Variants in ZFHX3 observed in about 807,000 individuals in gnomAD.
ZFHX3 encodes the protein zinc finger homeobox 3.
ZFHX3 carries 42 observed loss-of-function variants against 279.1 expected under a neutral mutation model. The observed-to-expected ratio is 0.15, with a 90% CI of 0.12 to 0.19. ZFHX3 has a LOEUF of 0.19. ZFHX3 is among the 10% of genes least tolerant of loss of function. The pLI is 1.00. For missense variants in ZFHX3, 4,981 were observed against 4,754.0 expected (o/e 1.05, Z -1.40); for synonymous variants, 2,293 against 1,957.8 (o/e 1.17, Z -4.52).
intron 1 of ZFHX3, among the ~76,000 whole-genome samples, chr16:72,988,694 C>T (rs1296704987): frequency 6.6e-6 from 1 of 152,184 alleles, no homozygotes; most frequent in Middle Eastern, 3.2e-3. Flanking sequence ...AGCCATGATT[C>T]CCCCACATTA....
intron 4 of ZFHX3, among the ~76,000 whole-genome samples, chr16:73,284,662 C>T (rs1163412912): frequency 1.3e-5 from 2 of 151,918 alleles, no homozygotes; most frequent in East Asian, 3.9e-4. Flanking sequence ...TTTTGTTTTG[C>T]TTTTGTTTTT....
chr16:73,836,185 G>A (rs1398123994), intron 1 of ZFHX3, among the ~76,000 whole-genome samples: 7 of 152,158 alleles, frequency 4.6e-5, no homozygotes, highest in African/African-American at 1.4e-4. Flanking sequence ...AAACTTAGGA[G>A]CATCTTCTCC....
At chr16:73,001,955 C>T (rs151008509) in intron 1 of ZFHX3, among the ~76,000 whole-genome samples, 340 of 152,286 alleles carry the variant, frequency 2.2e-3, no homozygotes, top group Non-Finnish European at 4.1e-3. Flanking sequence ...GCCCACATTC[C>T]GGTCCATAGA....
intron 2 of ZFHX3, among the ~76,000 whole-genome samples, chr16:73,474,216 C>T (rs1196353762): frequency 6.6e-6 from 1 of 152,108 alleles, no homozygotes; most frequent in Non-Finnish European, 1.5e-5. Context: ...GGCATGATCT[C>T]AGCTCACTGC....
At chr16:73,447,889 A>C (rs906081581) in intron 3 of ZFHX3, among the ~76,000 whole-genome samples, 2 of 152,246 alleles carry the variant, frequency 1.3e-5, no homozygotes, top group Non-Finnish European at 2.9e-5. Flanking sequence ...AAACAACTTC[A>C]TCATGCTGTA....
chr16:73,043,669 CCA>C (rs1965196664), intron 1 of ZFHX3, among the ~76,000 whole-genome samples: 1 of 152,220 alleles, frequency 6.6e-6, no homozygotes, highest in African/African-American at 2.4e-5. Flanking sequence ...CAGAAACATT[CCA>C]GTCGTTTCCC....
chr16:73,036,515 TGA>T (rs1294918615), intron 1 of ZFHX3, among the ~76,000 whole-genome samples: 1 of 151,670 alleles, frequency 6.6e-6, no homozygotes, highest in Non-Finnish European at 1.5e-5. Context: ...TCCACTTCTG[TGA>T]GAGTCAGAAA....
At chr16:73,682,049 A>G (rs2142195823) in intron 1 of ZFHX3, among the ~76,000 whole-genome samples, 1 of 152,334 alleles carries the variant, frequency 6.6e-6, no homozygotes, top group South Asian at 2.1e-4. Context: ...TGCTTAACAA[A>G]TAAAGGCTGA....
chr16:73,326,179 A>G (rs939918645), intron 3 of ZFHX3, among the ~76,000 whole-genome samples: 2 of 152,196 alleles, frequency 1.3e-5, no homozygotes, highest in African/African-American at 2.4e-5. Flanking sequence ...CATTTATTCA[A>G]TGCTACTTTG....
intron 2 of ZFHX3, chr16:73,499,632 C>G (rs890688086): frequency 2.6e-5 from 4 of 152,152 alleles, no homozygotes; most frequent in Admixed American, 2.6e-4. Context: ...AAACCCAACT[C>G]TTTAGGAATG....
intron 5 of ZFHX3, among the ~76,000 whole-genome samples, chr16:73,178,029 T>C (rs969219660): frequency 6.6e-6 from 1 of 152,102 alleles, no homozygotes; most frequent in African/African-American, 2.4e-5. Context: ...TTCCTTACTC[T>C]GAGCTGAGAT....
At chr16:73,042,975 C>T (rs1211649447) in intron 1 of ZFHX3, among the ~76,000 whole-genome samples, 5 of 152,062 alleles carry the variant, frequency 3.3e-5, no homozygotes, top group South Asian at 2.1e-4. Flanking sequence ...ATCCCAGCAC[C>T]GGCCCATCTT....
intron 3 of ZFHX3, among the ~76,000 whole-genome samples, chr16:73,333,549 T>A (rs1228941938): frequency 6.6e-6 from 1 of 152,102 alleles, no homozygotes; most frequent in Non-Finnish European, 1.5e-5. Flanking sequence ...TTGATTATAA[T>A]CTTGTTGAAG....
chr16:73,781,430 G>T (rs1959469217), intron 1 of ZFHX3, among the ~76,000 whole-genome samples: 1 of 136,750 alleles, frequency 7.3e-6, no homozygotes, highest in Non-Finnish European at 1.6e-5. Flanking sequence ...ATCATGGTTT[G>T]GCAAACTATG....
intron 2 of ZFHX3, among the ~76,000 whole-genome samples, chr16:73,642,087 G>A (rs1302887463): frequency 6.6e-6 from 1 of 152,114 alleles, no homozygotes; most frequent in East Asian, 1.9e-4. Flanking sequence ...AGGGAAGGTG[G>A]TCCGTGGCCT....
At chr16:73,489,283 G>T (rs2019021472) in intron 2 of ZFHX3, among the ~76,000 whole-genome samples, 1 of 152,090 alleles carries the variant, frequency 6.6e-6, no homozygotes, top group Admixed American at 6.6e-5. Context: ...CAACTGTATT[G>T]GATCTTTATT....
chr16:73,678,661 C>T (rs987933318), intron 2 of ZFHX3, among the ~76,000 whole-genome samples: 14 of 151,956 alleles, frequency 9.2e-5, no homozygotes, highest in African/African-American at 3.4e-4. Context: ...GGATATGACT[C>T]ACCAAAAAAA....
In ZFHX3 at chr16:72,795,690, T is replaced by C. The variant is rs781581088; in HGVS notation, c.6992A>G (p.Lys2331Arg). 3 of 1,614,172 alleles carry C rather than the reference T, an allele frequency of 1.9e-6. No individual in the cohort carries two copies. Among genetic ancestry groups the C allele is most frequent in the Non-Finnish European group, 2.5e-6 (3 of 1,180,040 alleles). ...GCGCTGAAACACCAGGCTACATTTT[T>C]TGCACTGGTAGTTCAAGTTGCTTGT... ...IRTSNLNYQCKKCSLVFQRIF... is the reference protein window; with the variant it reads ...IRTSNLNYQCRKCSLVFQRIF... The change falls in exon 9 of 10, where the codon AAA becomes AGA. Residue 2331 changes from lysine (K) to arginine (R), a missense_variant. Transcript: ENST00000268489.
At chr16:73,434,118 T>C (rs1206547457) in intron 3 of ZFHX3, among the ~76,000 whole-genome samples, 1 of 152,202 alleles carries the variant, frequency 6.6e-6, no homozygotes, top group Non-Finnish European at 1.5e-5. Flanking sequence ...AAACACACAC[T>C]GTAATTCAGA....
Sources: gnomAD v4.1 joint callset for allele counts (sites outside exome capture counted in the v4.1 genomes callset) on GRCh38, gnomAD v4.1.1 for gene constraint, MANE v1.5 for transcripts, NCBI Gene and HGNC (gene_info 2026-07-23, HGNC 2026-07-21) for gene names.